Variants in SPINK6 observed in about 807,000 individuals in gnomAD.
SPINK6 encodes the protein serine peptidase inhibitor Kazal type 6.
SPINK6 carries 13 observed loss-of-function variants against 11.7 expected under a neutral mutation model. The observed-to-expected ratio is 1.11, with a 90% CI of 0.72 to 1.76. The LOEUF (loss-of-function observed/expected upper bound fraction) is 1.76, where lower values mean the gene tolerates loss of function less well. SPINK6 is among the 40% of genes most tolerant of loss of function. SPINK6 has a pLI of 0.00. For synonymous variants in SPINK6, 21 were observed against 31.9 expected, an observed-to-expected ratio of 0.66 and a Z score of 1.15; for missense variants, 98 against 93.7, an observed-to-expected ratio of 1.05 and a Z score of -0.19.
chr5:148,214,560 C>G (rs1409841770), intron 3 of SPINK6, among the ~76,000 whole-genome samples: 1 of 152,154 alleles, frequency 6.6e-6, no homozygotes, highest in African/African-American at 2.4e-5. Flanking sequence ...GTTTCAACTT[C>G]TTACATCTTC....
chr5:148,209,612 T>C (rs925907845), intron 2 of SPINK6, among the ~76,000 whole-genome samples: 2 of 152,052 alleles, frequency 1.3e-5, no homozygotes, highest in African/African-American at 4.8e-5. Context: ...GGAGGAAGTA[T>C]TTGTGCAAAA....
chr5:148,202,906 T>A (rs1755450754), upstream of SPINK6: 3 of 467,290 alleles, frequency 6.4e-6, no homozygotes, highest in Non-Finnish European at 1.1e-5. Context: ...GCGACACACA[T>A]AATTGTCCCA....
At chr5:148,214,566 T>A (rs918018529) in intron 3 of SPINK6, among the ~76,000 whole-genome samples, 2 of 152,226 alleles carry the variant, frequency 1.3e-5, no homozygotes, top group African/African-American at 2.4e-5. Flanking sequence ...ACTTCTTACA[T>A]CTTCTGTCAG....
intron 2 of SPINK6, among the ~76,000 whole-genome samples, chr5:148,206,910 C>T (rs1394522072): frequency 6.6e-6 from 1 of 152,108 alleles, no homozygotes; most frequent in Non-Finnish European, 1.5e-5. Flanking sequence ...TTGGCAAAGC[C>T]ATTGGAAATA....
chr5:148,208,127 G>A (rs1755524317), intron 2 of SPINK6, among the ~76,000 whole-genome samples: 1 of 152,120 alleles, frequency 6.6e-6, no homozygotes, highest in Admixed American at 6.5e-5. Context: ...TGTATGACTT[G>A]AAAAATGTGG....
At chr5:148,214,865 G>A (rs748811470) in intron 3 of SPINK6, 40 bp from the exon 4 acceptor site, 29 of 1,535,598 alleles carry the variant, frequency 1.9e-5, no homozygotes, top group Non-Finnish European at 2.4e-5. Context: ...GAGTACTTAC[G>A]ATATTGCACT....
At chr5:148,206,591 T>C (rs1755502457) in intron 2 of SPINK6, among the ~76,000 whole-genome samples, 1 of 152,210 alleles carries the variant, frequency 6.6e-6, no homozygotes, top group Non-Finnish European at 1.5e-5. Context: ...AGTTTACTGC[T>C]CTGTAATGAG....
In SPINK6 at chr5:148,214,998, T is replaced by C. The variant is rs879526345; in HGVS notation, c.*48T>C. ...GACTTGCCAGCTTTTGCAGCCTTCT[T>C]TTCTCACTTCTGCTTATACTTTTGC... On this transcript the variant is annotated 3_prime_UTR_variant, in exon 4 of 4. Transcript: ENST00000325630. 6.4e-7 allele frequency: 1 copy of C among 1,571,964 alleles called. No homozygotes were observed. Among genetic ancestry groups the C allele is most frequent in the Admixed American group, 1.7e-5 (1 of 59,826 alleles).
intron 2 of SPINK6, among the ~76,000 whole-genome samples, chr5:148,210,011 T>TACGC (rs1561732242): frequency 6.6e-6 from 1 of 150,862 alleles, no homozygotes; most frequent in Admixed American, 6.6e-5. Context: ...TGTATACATG[T>TACGC]ATGTACGCAT....
rs750164326 is a variant in SPINK6 at position 148,206,007 on chromosome 5, A to G, written c.59-29A>G. On this transcript the variant is annotated intron_variant, in intron 1 of 3. Coordinates refer to ENST00000325630, the MANE Select transcript of SPINK6 (RefSeq NM_205841.4). The stretch of plus-strand genomic sequence containing the variant: ...CACTTTTTGTACATCAATGAATTAC[A>G]GTGTTTGAATGTTGTGCTTTTCTTT... The G allele has an allele frequency of 2.5e-6, 4 of 1,613,418 alleles. No homozygotes were observed. The South Asian group carries it at 4.4e-5, about 18-fold the overall frequency.
chr5:148,210,046 GCATA>G (rs1755561626), intron 2 of SPINK6, among the ~76,000 whole-genome samples: 1 of 34,410 alleles, frequency 2.9e-5, no homozygotes, highest in Admixed American at 6.7e-4. Context: ...ACGTATGTAT[GCATA>G]TATGTATGTA....
chr5:148,214,960 A>G lies in SPINK6; in HGVS notation c.*10A>G. ...TCCTGGAAAATGCTGAGTTAAAGCC[A>G]ATGTTTCTTGGTGACTTGCCAGCTT... On this transcript the variant is annotated 3_prime_UTR_variant, in exon 4 of 4. Transcript: ENST00000325630. The G allele has an allele frequency of 6.2e-7, 1 of 1,613,436 alleles. No homozygotes were observed. The highest frequency in any genetic ancestry group is 8.5e-7 in the Non-Finnish European group (1 of 1,179,656).
At chr5:148,214,156 A>G (rs1755652547) in intron 3 of SPINK6, 131 bp downstream of exon 3, 2 of 506,358 alleles carry the variant, frequency 3.9e-6, no homozygotes, top group Non-Finnish European at 6.9e-6. Context: ...AGCTTCAGGC[A>G]ATTTGATTGA....
intron 2 of SPINK6, among the ~76,000 whole-genome samples, chr5:148,209,384 T>C (rs1755539671): frequency 6.6e-6 from 1 of 152,182 alleles, no homozygotes; most frequent in South Asian, 2.1e-4. Context: ...GGCCATTGTG[T>C]AGTGAATGTG....
chr5:148,206,950 A>G (rs1369010792), intron 2 of SPINK6, among the ~76,000 whole-genome samples: 1 of 152,164 alleles, frequency 6.6e-6, no homozygotes, highest in Non-Finnish European at 1.5e-5. Context: ...CCACTGCATT[A>G]TATAAGAATG....
In SPINK6 at chr5:148,210,256, A is replaced by G. The variant is rs189490301; in HGVS notation, c.82-3654A>G. Among the ~76,000 whole-genome samples the G allele has an allele frequency of 1.3e-3, 151 of 112,798 alleles. 9 individuals are homozygous for G. The highest frequency in any genetic ancestry group is 4.8e-3 in the African/African-American group (139 of 29,050). The allele number at this position is 112,798 out of a possible 152,430, so 74.0% of individuals were successfully genotyped here. On this transcript the variant is annotated intron_variant, in intron 2 of 3. Coordinates refer to ENST00000325630, the MANE Select transcript of SPINK6 (RefSeq NM_205841.4). ...CATGCATACGTATGTATTTCTGCATACATATATATGTATGTGTTTCTGCAT... is the reference window on the plus strand; with the variant it reads ...CATGCATACGTATGTATTTCTGCATGCATATATATGTATGTGTTTCTGCAT...
At chr5:148,203,002 T>A (rs1301392897), upstream of SPINK6, 1 of 940,464 alleles carries the variant, frequency 1.1e-6, no homozygotes, top group Admixed American at 2.4e-5. Context: ...AGGACTCATG[T>A]GGTCTGAATG....
At position 148,203,089 on chromosome 5, in the gene SPINK6, C is replaced by T. The variant is rs1055783712; in HGVS notation, c.-8C>T. 6.2e-7 allele frequency: 1 copy of T among 1,608,300 alleles called. No individual in the cohort carries two copies. Among genetic ancestry groups the T allele is most frequent in the Non-Finnish European group, 8.5e-7 (1 of 1,178,562 alleles). ...AGCAGCCTTGATCTGAGTGAGCTAA[C>T]TGACACAATGAAACTGTCAGGCATG... On this transcript the variant is annotated 5_prime_UTR_variant, in exon 1 of 4. Coordinates refer to ENST00000325630, the MANE Select transcript of SPINK6 (RefSeq NM_205841.4).
chr5:148,213,959 C>A lies in SPINK6; in HGVS notation c.131C>A (p.Ser44Tyr), dbSNP rs1415233799. 1 of 1,613,898 alleles carries A rather than the reference C, an allele frequency of 6.2e-7. No homozygotes were observed. The highest frequency in any genetic ancestry group is 8.5e-7 in the Non-Finnish European group (1 of 1,179,788). ...CCCAAGGTCTACTGCACTCGGGAAT[C>A]TAACCCACACTGTGGCTCTGATGGC... ...QDPKVYCTRESNPHCGSDGQT... is the reference protein window; with the variant it reads ...QDPKVYCTREYNPHCGSDGQT... The change falls in exon 3 of 4, where the codon TCT (serine) becomes TAT (tyrosine). Residue 44 changes from serine (S) to tyrosine (Y), a missense_variant. Ser to Tyr is a moderately radical substitution (Grantham distance 144). Transcript: ENST00000325630.
Sources: gnomAD v4.1 joint callset for allele counts (sites outside exome capture counted in the v4.1 genomes callset) on GRCh38, gnomAD v4.1.1 for gene constraint, MANE v1.5 for transcripts, NCBI Gene and HGNC (gene_info 2026-07-23, HGNC 2026-07-21) for gene names.